The following AFF2 variants were observed in gnomAD, a reference collection of about 807,000 sequenced individuals.
The protein encoded by AFF2 is AF4/FMR2 family member 2.
Under a neutral mutation model 76.9 loss-of-function variants are expected in AFF2, and 14 were observed. That is an observed-to-expected ratio of 0.18 (90% CI 0.12 to 0.28). The LOEUF (loss-of-function observed/expected upper bound fraction) is 0.28. AFF2 is among the 10% of genes least tolerant of loss of function. AFF2 has a pLI of 1.00. For synonymous variants in AFF2, 398 were observed against 366.7 expected (o/e 1.09, Z -0.98); for missense variants, 868 against 1,001.1 (o/e 0.87, Z 1.79).
chrX:148,938,453 T>C (rs1012171599), intron 9 of AFF2, among the ~76,000 whole-genome samples: 16 of 111,970 alleles, frequency 1.4e-4, no homozygotes, highest in African/African-American at 5.2e-4. Flanking sequence ...AGCACGATAC[T>C]AAAAAAGAAC....
chrX:148,676,935 G>T (rs2124484711), intron 3 of AFF2, among the ~76,000 whole-genome samples: 1 of 111,049 alleles, frequency 9.0e-6, no homozygotes, highest in Non-Finnish European at 1.9e-5. Context: ...GGTAAATAAT[G>T]TTTCAGAAAG....
chrX:148,921,240 A>G (rs2071592223), intron 9 of AFF2, among the ~76,000 whole-genome samples: 1 of 112,472 alleles, frequency 8.9e-6, no homozygotes, highest in South Asian at 3.7e-4. Context: ...TGAGATCATT[A>G]CACAATTTTA....
chrX:148,526,700 T>G (rs1475168063), intron 1 of AFF2, among the ~76,000 whole-genome samples: 1 of 111,629 alleles, frequency 9.0e-6, no homozygotes, highest in African/African-American at 3.3e-5. Context: ...TACACGTACA[T>G]GCACATACAC....
At position 149,000,255 on chromosome X, in the gene AFF2, AC is replaced by A. The variant is rs2072660968; in HGVS notation, c.*8925del. 2.7e-5 allele frequency: 3 copies of A among 112,625 alleles called. No individual in the cohort carries two copies. Among genetic ancestry groups the A allele is most frequent in the African/African-American group, 6.5e-5 (2 of 30,994 alleles). 9.3% of individuals were successfully genotyped at this position (112,625 alleles called of 1,213,427 possible). A position where few individuals can be genotyped will look rare whatever the true frequency, so the allele number is the denominator to read the frequency against. Reference sequence around the variant, plus strand: ...CAACATTCATGCTCATTGCAGATCCACCAACTGTCACTGTTCTTAACAAGCA... The same window carrying A: ...CAACATTCATGCTCATTGCAGATCCACAACTGTCACTGTTCTTAACAAGCA... On this transcript the variant is annotated 3_prime_UTR_variant, in exon 21 of 21. Transcript: ENST00000370460.
intron 10 of AFF2, among the ~76,000 whole-genome samples, chrX:148,954,283 A>G (rs1457278844): frequency 1.8e-5 from 2 of 112,590 alleles, no homozygotes; most frequent in African/African-American, 6.5e-5. Context: ...TCCATGAAAT[A>G]CTAAAATAAT....
chrX:148,500,925 C>A lies in AFF2; in HGVS notation c.-173C>A. The stretch of plus-strand genomic sequence containing the variant: ...GCCGCTTCCTCGCCGGAGCACAGGA[C>A]CAGACACCTCCAGCGCCCGCTGCTG... On this transcript the variant is annotated 5_prime_UTR_variant, in exon 1 of 21. Transcript: ENST00000370460. 1.8e-6 allele frequency: 1 copy of A among 554,335 alleles called. No homozygotes were observed. The highest frequency in any genetic ancestry group is 2.7e-6 in the Non-Finnish European group (1 of 368,732). 45.7% of individuals were successfully genotyped at this position (554,335 alleles called of 1,213,427 possible). A position where few individuals can be genotyped will look rare whatever the true frequency, so the allele number is the denominator to read the frequency against.
At chrX:148,865,426 G>T (rs2070894411) in intron 7 of AFF2, among the ~76,000 whole-genome samples, 1 of 112,205 alleles carries the variant, frequency 8.9e-6, no homozygotes, top group Admixed American at 9.4e-5. Flanking sequence ...CAAGCTGCAA[G>T]TCACAAGGTT....
intron 3 of AFF2, among the ~76,000 whole-genome samples, chrX:148,747,444 C>T (rs1388799276): frequency 9.0e-6 from 1 of 111,649 alleles, no homozygotes; most frequent in Non-Finnish European, 1.9e-5. Context: ...AATATTGTAG[C>T]TAAAAGAGTA....
At chrX:148,603,484 G>T (rs2053646179) in intron 1 of AFF2, among the ~76,000 whole-genome samples, 1 of 108,110 alleles carries the variant, frequency 9.2e-6, no homozygotes. Context: ...TCATTGCCTT[G>T]GTTTTGAAAA....
chrX:148,706,077 T>C (rs1484345698), intron 3 of AFF2, among the ~76,000 whole-genome samples: 1 of 112,186 alleles, frequency 8.9e-6, no homozygotes, highest in African/African-American at 3.2e-5. Flanking sequence ...ACTGCACTTC[T>C]TAAACCCTTA....
chrX:148,515,057 A>G (rs2052520698), intron 1 of AFF2, among the ~76,000 whole-genome samples: 1 of 112,124 alleles, frequency 8.9e-6, no homozygotes, highest in African/African-American at 3.2e-5. Context: ...CCTACACTGA[A>G]TGACTGAGGA....
intron 3 of AFF2, among the ~76,000 whole-genome samples, chrX:148,807,939 G>A (rs1213964426): frequency 4.5e-5 from 5 of 112,225 alleles, no homozygotes; most frequent in African/African-American, 1.3e-4. Flanking sequence ...TCATTGTGTG[G>A]AATAACAGTA....
At chrX:148,646,702 G>T (rs1345282286) in intron 1 of AFF2, among the ~76,000 whole-genome samples, 2 of 111,979 alleles carry the variant, frequency 1.8e-5, no homozygotes, top group African/African-American at 6.5e-5. Flanking sequence ...GACAGTGTTT[G>T]CAGGGAGATA....
At position 148,744,758 on chromosome X, in the gene AFF2, T is replaced by G. The variant is rs193106140; in HGVS notation, c.1042-65118T>G. Among the ~76,000 whole-genome samples the G allele has an allele frequency of 9.7e-4, 108 of 111,515 alleles. 2 individuals carry two copies. The highest frequency in any genetic ancestry group is 3.0e-3 in the African/African-American group (93 of 30,672). ...ATGGGGAGGTGTCACTTTAGTGAGTTTTGTTTTGTTTTTATTTTTTGTTCT... is the reference window on the plus strand; with the variant it reads ...ATGGGGAGGTGTCACTTTAGTGAGTGTTGTTTTGTTTTTATTTTTTGTTCT... On this transcript the variant is annotated intron_variant, in intron 3 of 20. Transcript: ENST00000370460.
intron 1 of AFF2, among the ~76,000 whole-genome samples, chrX:148,523,998 G>A (rs1349811508): frequency 9.0e-6 from 1 of 110,587 alleles, no homozygotes; most frequent in Non-Finnish European, 1.9e-5. Flanking sequence ...TCAAAGCCTG[G>A]AACACCAAAG....
intron 3 of AFF2, among the ~76,000 whole-genome samples, chrX:148,711,841 A>G (rs1557262934): frequency 8.9e-6 from 1 of 112,508 alleles, no homozygotes; most frequent in African/African-American, 3.2e-5. Flanking sequence ...GTGTCATTCA[A>G]CACATGCCTT....
intron 3 of AFF2, among the ~76,000 whole-genome samples, chrX:148,803,578 A>G (rs1219079401): frequency 8.9e-6 from 1 of 111,807 alleles, no homozygotes; most frequent in Non-Finnish European, 1.9e-5. Context: ...AGACTGTAAT[A>G]TACCCTCATT....
At chrX:148,746,637 A>C (rs1471143422) in intron 3 of AFF2, among the ~76,000 whole-genome samples, 1 of 112,783 alleles carries the variant, frequency 8.9e-6, no homozygotes, top group Non-Finnish European at 1.9e-5. Context: ...ACATTTTGTC[A>C]ATTCTCCCAT....
chrX:148,954,187 G>T (rs1222086686), intron 10 of AFF2, among the ~76,000 whole-genome samples: 2 of 112,408 alleles, frequency 1.8e-5, no homozygotes, highest in African/African-American at 3.2e-5. Flanking sequence ...ACGGTAAAAT[G>T]ATTATTTAAA....
Sources: allele counts gnomAD v4.1 joint callset (sites outside exome capture counted in the v4.1 genomes callset), GRCh38; gene constraint gnomAD v4.1.1; transcripts MANE v1.5; gene names NCBI Gene and HGNC (gene_info 2026-07-23, HGNC 2026-07-21).